TRIM44: variants seen among roughly 807,000 people sequenced by gnomAD.
The protein encoded by TRIM44 is tripartite motif-containing protein 44.
In TRIM44, 13 loss-of-function variants were observed where a neutral mutation model predicts 37.4. The observed-to-expected ratio is 0.35, with a 90% CI of 0.23 to 0.55. The LOEUF (loss-of-function observed/expected upper bound fraction) is 0.55, where lower values mean the gene tolerates loss of function less well. TRIM44 is among the 20% of genes least tolerant of loss of function. TRIM44 has a pLI of 0.89. For synonymous variants in TRIM44, 175 were observed against 157.2 expected (o/e 1.11, Z -0.85); for missense variants, 426 against 437.2 (o/e 0.97, Z 0.23).
chr11:35,678,721 G>A (rs1226733149), intron 1 of TRIM44, among the ~76,000 whole-genome samples: 5 of 151,814 alleles, frequency 3.3e-5, no homozygotes, highest in African/African-American at 1.2e-4. Flanking sequence ...TGATTCTCAT[G>A]TCTCAGCTAC....
At chr11:35,665,880 G>A (rs1328208209) in intron 1 of TRIM44, among the ~76,000 whole-genome samples, 2 of 151,722 alleles carry the variant, frequency 1.3e-5, no homozygotes, top group East Asian at 1.9e-4. Flanking sequence ...TAGCCACTGT[G>A]CCCAGCTATA....
chr11:35,779,152 TC>T, intron 4 of TRIM44, among the ~76,000 whole-genome samples: 1 of 152,116 alleles, frequency 6.6e-6, no homozygotes, highest in Non-Finnish European at 1.5e-5. Flanking sequence ...GTGGATGCCC[TC>T]CCCCAGCCTT....
chr11:35,752,323 A>T (rs1231988536), intron 4 of TRIM44, among the ~76,000 whole-genome samples: 1 of 151,740 alleles, frequency 6.6e-6, no homozygotes, highest in Non-Finnish European at 1.5e-5. Flanking sequence ...ACTCTTACTC[A>T]TTCTTCCTCC....
intron 2 of TRIM44, among the ~76,000 whole-genome samples, chr11:35,702,307 C>G (rs535136747): frequency 6.6e-6 from 1 of 152,162 alleles, no homozygotes; most frequent in African/African-American, 2.4e-5. Context: ...GGGAGGGCAG[C>G]GAGGGTGTGG....
At chr11:35,751,739 G>C (rs751038499) in intron 4 of TRIM44, among the ~76,000 whole-genome samples, 2 of 152,176 alleles carry the variant, frequency 1.3e-5, no homozygotes, top group Non-Finnish European at 2.9e-5. Context: ...TTTACAACCT[G>C]AGGCTTAAAT....
chr11:35,802,165 A>AT (rs1226305660), intron 4 of TRIM44, among the ~76,000 whole-genome samples: 2 of 152,136 alleles, frequency 1.3e-5, no homozygotes, highest in Non-Finnish European at 2.9e-5. Context: ...GTCTGATTTC[A>AT]TTTTTTTCAA....
intron 2 of TRIM44, among the ~76,000 whole-genome samples, chr11:35,706,554 C>A (rs561392289): frequency 3.3e-5 from 5 of 152,194 alleles, no homozygotes; most frequent in Non-Finnish European, 7.3e-5. Flanking sequence ...CATCAAAAAG[C>A]TTATCCATCA....
chr11:35,678,784 G>C (rs1404912523), intron 1 of TRIM44, among the ~76,000 whole-genome samples: 1 of 152,040 alleles, frequency 6.6e-6, no homozygotes, highest in Non-Finnish European at 1.5e-5. Flanking sequence ...ATTTTTAGTA[G>C]AGATAGGGTT....
At chr11:35,703,128 C>G (rs764491565) in intron 2 of TRIM44, among the ~76,000 whole-genome samples, 6 of 152,212 alleles carry the variant, frequency 3.9e-5, no homozygotes, top group Non-Finnish European at 7.3e-5. Context: ...CTCGGAGGGT[C>G]CTATGCCCAC....
intron 1 of TRIM44, among the ~76,000 whole-genome samples, chr11:35,674,586 A>G (rs1340511463): frequency 1.5e-4 from 23 of 152,196 alleles, no homozygotes; most frequent in Admixed American, 1.2e-3. Flanking sequence ...TTTAACATCA[A>G]TAAGAAGATT....
At chr11:35,735,110 C>T (rs1852312190) in intron 3 of TRIM44, among the ~76,000 whole-genome samples, 3 of 152,166 alleles carry the variant, frequency 2.0e-5, no homozygotes, top group Admixed American at 2.0e-4. Flanking sequence ...TTGGGTTTCT[C>T]ACTTTGCTAA....
rs911496714 is a variant in TRIM44, at chr11:35,704,786, G to A, written c.747+19450G>A. Among the ~76,000 whole-genome samples the A allele has an allele frequency of 1.4e-4, 21 of 152,192 alleles. 1 individual carries two copies. Among genetic ancestry groups the A allele is most frequent in the East Asian group, 9.6e-4 (5 of 5,182 alleles). Reference sequence around the variant, plus strand: ...GCACTAAACATGCAAAGGAACAACCGGTACCAGCCACTGCAAAATCATGCC... The same window carrying A: ...GCACTAAACATGCAAAGGAACAACCAGTACCAGCCACTGCAAAATCATGCC... On this transcript the variant is annotated intron_variant, in intron 2 of 4. Transcript: ENST00000299413.
rs149945763 is a variant in TRIM44, at chr11:35,700,984, A to C, written c.747+15648A>C. Among the ~76,000 whole-genome samples the C allele has an allele frequency of 1.9e-3, 282 of 152,310 alleles. 2 individuals are homozygous for C. The highest frequency in any genetic ancestry group is 6.5e-3 in the African/African-American group (271 of 41,560). ...ACATGTATAACTACACAGAAGATTC[A>C]GTAGTTGTAAGATTTTTCATTTGCC... is the stretch of plus-strand genomic sequence containing the variant. On this transcript the variant is annotated intron_variant, in intron 2 of 4. Transcript: ENST00000299413.
intron 4 of TRIM44, among the ~76,000 whole-genome samples, chr11:35,757,010 G>T (rs1852653120): frequency 6.6e-6 from 1 of 152,172 alleles, no homozygotes. Context: ...TCAGGATGAT[G>T]CTGGCCTCAT....
intron 4 of TRIM44, among the ~76,000 whole-genome samples, chr11:35,762,246 CT>C (rs1379476842): frequency 1.3e-5 from 2 of 152,232 alleles, no homozygotes; most frequent in African/African-American, 4.8e-5. Context: ...TTTTCTCTTT[CT>C]TTTTTTAAAA....
chr11:35,684,262 A>G (rs951452936), intron 1 of TRIM44, among the ~76,000 whole-genome samples: 2 of 147,242 alleles, frequency 1.4e-5, no homozygotes, highest in Non-Finnish European at 3.0e-5. Flanking sequence ...GACCTAGCAT[A>G]AAAAAAAATC....
At chr11:35,703,481 C>T (rs202043481) in intron 2 of TRIM44, among the ~76,000 whole-genome samples, 5 of 150,942 alleles carry the variant, frequency 3.3e-5, no homozygotes, top group Admixed American at 6.6e-5. Flanking sequence ...TGACCCCTGA[C>T]CCCCGAGCAG....
chr11:35,703,823 A>C (rs1049108808), intron 2 of TRIM44, among the ~76,000 whole-genome samples: 6 of 152,324 alleles, frequency 3.9e-5, no homozygotes, highest in Admixed American at 6.5e-5. Flanking sequence ...AAAACAGCAG[A>C]AAAACTGGAA....
chr11:35,771,359 G>A (rs1472258975), intron 4 of TRIM44, among the ~76,000 whole-genome samples: 1 of 152,184 alleles, frequency 6.6e-6, no homozygotes, highest in Non-Finnish European at 1.5e-5. Context: ...TGAGAGAGAT[G>A]ATTTAGGGTA....
Sources: allele counts gnomAD v4.1 joint callset (sites outside exome capture counted in the v4.1 genomes callset), GRCh38; gene constraint gnomAD v4.1.1; transcripts MANE v1.5; gene names NCBI Gene and HGNC (gene_info 2026-07-23, HGNC 2026-07-21).